Variants in CALN1 observed in about 807,000 individuals in gnomAD.
CALN1 encodes calneuron 1, also known as calcium-binding protein 8.
CALN1 carries 17 observed loss-of-function variants against 30.6 expected under a neutral mutation model. The ratio of observed to expected loss-of-function variants is 0.56; its 90% CI spans 0.38 to 0.83. CALN1 has a LOEUF of 0.83. Ranked by LOEUF, CALN1 falls within the 40% of genes least tolerant of loss-of-function variation. CALN1 has a pLI of 0.00. For missense variants in CALN1, 291 were observed against 354.9 expected, an observed-to-expected ratio of 0.82 and a Z score of 1.45; for synonymous variants, 156 against 131.4, an observed-to-expected ratio of 1.19 and a Z score of -1.28.
intron 1 of CALN1, among the ~76,000 whole-genome samples, chr7:72,424,533 T>C (rs1807736057): frequency 6.6e-6 from 1 of 152,150 alleles, no homozygotes; most frequent in South Asian, 2.1e-4. Context: ...CTTGCAAAAA[T>C]ATGAATCTGG....
chr7:72,147,586 T>C (rs1786858127), intron 3 of CALN1, among the ~76,000 whole-genome samples: 1 of 151,784 alleles, frequency 6.6e-6, no homozygotes, highest in African/African-American at 2.4e-5. Flanking sequence ...GACCCAGCTA[T>C]CCCATTACTG....
intron 1 of CALN1, among the ~76,000 whole-genome samples, chr7:72,404,915 CTCA>C: frequency 1.3e-5 from 2 of 152,332 alleles, no homozygotes; most frequent in South Asian, 4.1e-4. Context: ...CTGTGAGTAA[CTCA>C]TCAGCTACTG....
At chr7:71,814,177 G>A (rs936034312) in intron 5 of CALN1, among the ~76,000 whole-genome samples, 10 of 152,074 alleles carry the variant, frequency 6.6e-5, no homozygotes, top group Non-Finnish European at 8.8e-5. Context: ...GTCCAACAGG[G>A]TTTCAGAACT....
At chr7:71,889,778 A>C (rs997045186) in intron 5 of CALN1, among the ~76,000 whole-genome samples, 1 of 152,192 alleles carries the variant, frequency 6.6e-6, no homozygotes, top group Non-Finnish European at 1.5e-5. Context: ...AACATGGCGA[A>C]ACCCTGTCTC....
At chr7:72,254,627 T>C (rs887216825) in intron 3 of CALN1, among the ~76,000 whole-genome samples, 1 of 152,124 alleles carries the variant, frequency 6.6e-6, no homozygotes, top group Non-Finnish European at 1.5e-5. Context: ...CCTCACTCCG[T>C]TGTTTTTTTA....
At chr7:72,288,565 G>A (rs928048855) in intron 2 of CALN1, among the ~76,000 whole-genome samples, 1 of 152,188 alleles carries the variant, frequency 6.6e-6, no homozygotes, top group East Asian at 1.9e-4. Flanking sequence ...CTTAATGATT[G>A]TGACAATTTA....
intron 2 of CALN1, among the ~76,000 whole-genome samples, chr7:72,352,378 G>C (rs1440768243): frequency 2.5e-4 from 26 of 103,116 alleles, no homozygotes; most frequent in Non-Finnish European, 7.0e-5. Context: ...GACAGAGTGA[G>C]ACTCTGTCTC....
At chr7:72,192,176 C>T (rs993238016) in intron 3 of CALN1, among the ~76,000 whole-genome samples, 2 of 152,144 alleles carry the variant, frequency 1.3e-5, no homozygotes, top group African/African-American at 4.8e-5. Context: ...GCCCACTACA[C>T]GTCTAGGCTA....
At chr7:71,845,083 C>T (rs992876182) in intron 5 of CALN1, among the ~76,000 whole-genome samples, 1 of 151,986 alleles carries the variant, frequency 6.6e-6, no homozygotes, top group African/African-American at 2.4e-5. Context: ...AGGGTTTCAC[C>T]ATATTGGCCA....
At chr7:72,013,931 C>T (rs1013960639) in intron 5 of CALN1, among the ~76,000 whole-genome samples, 2 of 151,966 alleles carry the variant, frequency 1.3e-5, no homozygotes, top group African/African-American at 4.8e-5. Flanking sequence ...AGGGTTTGAA[C>T]ATATTTTAAA....
chr7:71,939,403 CAAA>C (rs56368426), intron 5 of CALN1, among the ~76,000 whole-genome samples: 1 of 105,450 alleles, frequency 9.5e-6, no homozygotes. Context: ...ACTAAAAATA[CAAA>C]AAAAAAAAAA....
chr7:72,244,896 C>G (rs1340747783), intron 3 of CALN1, among the ~76,000 whole-genome samples: 1 of 152,022 alleles, frequency 6.6e-6, no homozygotes, highest in Non-Finnish European at 1.5e-5. Context: ...CTAAATTGTA[C>G]CAAATACTAA....
intron 5 of CALN1, among the ~76,000 whole-genome samples, chr7:71,965,545 AGCT>A (rs1238854016): frequency 4.6e-5 from 7 of 151,926 alleles, no homozygotes; most frequent in South Asian, 4.2e-4. Context: ...AGGGCTTCAG[AGCT>A]GCTATTTGAA....
At chr7:72,071,584 C>T (rs1280608920) in intron 4 of CALN1, among the ~76,000 whole-genome samples, 2 of 152,148 alleles carry the variant, frequency 1.3e-5, no homozygotes, top group Non-Finnish European at 2.9e-5. Flanking sequence ...TCAAACTGAT[C>T]GTTGGCCCAA....
chr7:72,447,955 T>C (rs1386570124), upstream of CALN1, among the ~76,000 whole-genome samples: 1 of 141,344 alleles, frequency 7.1e-6, no homozygotes, highest in Non-Finnish European at 1.5e-5. Flanking sequence ...GACGCCTGCC[T>C]AGGTATACAC....
intron 2 of CALN1, among the ~76,000 whole-genome samples, chr7:72,344,265 T>C (rs1292777471): frequency 6.6e-6 from 1 of 152,066 alleles, no homozygotes; most frequent in African/African-American, 2.4e-5. Flanking sequence ...GAATTCCCAA[T>C]CCACAGAACC....
chr7:72,084,996 C>G (rs1428441992), intron 4 of CALN1, among the ~76,000 whole-genome samples: 2 of 152,200 alleles, frequency 1.3e-5, no homozygotes, highest in Admixed American at 6.5e-5. Flanking sequence ...GCTGTCTATA[C>G]TACCTGCCCG....
intron 5 of CALN1, among the ~76,000 whole-genome samples, chr7:71,893,467 G>A (rs1303388432): frequency 5.3e-5 from 8 of 152,070 alleles, no homozygotes; most frequent in Non-Finnish European, 7.4e-5. Flanking sequence ...CAAGGTGAGC[G>A]GATCACTTGA....
chr7:71,809,987 C>T lies in CALN1; in HGVS notation c.658+349G>A, dbSNP rs569705281. On this transcript the variant is annotated intron_variant, in intron 6 of 6. Coordinates refer to ENST00000395275, the MANE Select transcript of CALN1 (RefSeq NM_031468.4). Reference sequence around the variant, plus strand: ...CACAACGGACTCGACCCAAGTTTGCCGGACAGCCAAAATAGGCTCTTTGCA... The same window carrying T: ...CACAACGGACTCGACCCAAGTTTGCTGGACAGCCAAAATAGGCTCTTTGCA... 5.9e-5 allele frequency among the ~76,000 whole-genome samples: 9 copies of T among 152,108 alleles called. No homozygotes were observed. In the East Asian group the frequency reaches 7.8e-4, roughly 13 times the overall value.
Sources: allele counts gnomAD v4.1 joint callset (sites outside exome capture counted in the v4.1 genomes callset), GRCh38; gene constraint gnomAD v4.1.1; transcripts MANE v1.5; gene names NCBI Gene and HGNC (gene_info 2026-07-23, HGNC 2026-07-21).